Variants in VDAC1 observed in about 807,000 individuals in gnomAD.
The protein encoded by VDAC1 is voltage dependent anion channel 1.
In VDAC1, 10 loss-of-function variants were observed where a neutral mutation model predicts 34.7. The observed-to-expected ratio is 0.29, with a 90% CI of 0.18 to 0.49. The LOEUF (loss-of-function observed/expected upper bound fraction) is 0.49, where lower values mean the gene tolerates loss of function less well. Among genes scored for constraint, VDAC1 ranks in the 20% least tolerant of loss-of-function variants. The probability of loss-of-function intolerance (pLI) is 0.99; values close to 1 mark genes in which losing one functional copy is unlikely to be tolerated. For synonymous variants in VDAC1, 130 were observed against 136.0 expected, an observed-to-expected ratio of 0.96 and a Z score of 0.30; for missense variants, 230 against 347.9, an observed-to-expected ratio of 0.66 and a Z score of 2.69.
chr5:134,049,782 T>C, the VDAC1 span, among the ~76,000 whole-genome samples: 6 of 152,070 alleles, frequency 3.9e-5, no homozygotes, highest in African/African-American at 1.4e-4. Context: ...GGTTTAGCCA[T>C]GTTGGCCAGG....
At chr5:134,031,899 C>T in the VDAC1 span, among the ~76,000 whole-genome samples, 1 of 146,850 alleles carries the variant, frequency 6.8e-6, no homozygotes, top group South Asian at 2.2e-4. Context: ...TGCATTGAGC[C>T]GAGATTACAC....
intron 1 of VDAC1, among the ~76,000 whole-genome samples, chr5:134,001,734 AAGAG>A (rs1214599291): frequency 6.7e-6 from 1 of 148,932 alleles, no homozygotes; most frequent in Non-Finnish European, 1.5e-5. Context: ...AAAAAAAAAA[AAGAG>A]AGAGAGAAAC....
chr5:134,045,098 C>A, the VDAC1 span, among the ~76,000 whole-genome samples: 1 of 152,192 alleles, frequency 6.6e-6, no homozygotes, highest in African/African-American at 2.4e-5. Context: ...GGGTCAAAAC[C>A]CTCCAAAGCC....
the VDAC1 span, among the ~76,000 whole-genome samples, chr5:134,049,290 G>A: frequency 2.0e-5 from 3 of 152,156 alleles, no homozygotes; most frequent in Non-Finnish European, 4.4e-5. Flanking sequence ...GATAAGGTCT[G>A]TCTATGTTGC....
chr5:134,108,989 C>T, the VDAC1 span, among the ~76,000 whole-genome samples: 1 of 152,208 alleles, frequency 6.6e-6, no homozygotes, highest in African/African-American at 2.4e-5. Context: ...ATGCATAAAA[C>T]AGCCAGGAGG....
upstream of VDAC1, among the ~76,000 whole-genome samples, chr5:134,008,171 G>C (rs1242284254): frequency 1.1e-5 from 1 of 87,474 alleles, no homozygotes; most frequent in Admixed American, 1.3e-4. Flanking sequence ...TCCCCGCCCC[G>C]CAGGGATGGA....
chr5:134,015,895 G>A, the VDAC1 span, among the ~76,000 whole-genome samples: 7 of 152,118 alleles, frequency 4.6e-5, no homozygotes, highest in South Asian at 2.1e-4. Flanking sequence ...TGCCTGCCTC[G>A]GCCTCCCAAA....
chr5:133,975,405 G>A (rs1232194867), intron 7 of VDAC1, among the ~76,000 whole-genome samples: 1 of 151,840 alleles, frequency 6.6e-6, no homozygotes, highest in Non-Finnish European at 1.5e-5. Flanking sequence ...GTACTCATTT[G>A]GCACTCTTTT....
the VDAC1 span, among the ~76,000 whole-genome samples, chr5:134,077,385 C>T: frequency 6.6e-6 from 1 of 152,052 alleles, no homozygotes; most frequent in African/African-American, 2.4e-5. Context: ...AACTTCAGCT[C>T]AGCCTGGTCT....
chr5:134,029,730 C>G, the VDAC1 span, among the ~76,000 whole-genome samples: 1 of 152,036 alleles, frequency 6.6e-6, no homozygotes, highest in African/African-American at 2.4e-5. Flanking sequence ...AGATAGAAAA[C>G]AGATTAGTGG....
the VDAC1 span, among the ~76,000 whole-genome samples, chr5:134,080,954 G>A: frequency 6.6e-6 from 1 of 151,802 alleles, no homozygotes; most frequent in East Asian, 1.9e-4. Flanking sequence ...TCGGTTCACT[G>A]CAACCTCCAC....
chr5:133,992,996 G>A lies in VDAC1; in HGVS notation c.17C>T (p.Thr6Met), dbSNP rs146770679. The A allele has an allele frequency of 2.5e-5, 40 of 1,613,228 alleles. No individual in the cohort carries two copies. Among genetic ancestry groups the A allele is most frequent in the Non-Finnish European group, 2.8e-5 (33 of 1,179,586 alleles). ...GGCAGATTTGCCAAGATCGGCATACGTGGGTGGCACAGCCATCTTCTGCTA... is the reference window on the plus strand; with the variant it reads ...GGCAGATTTGCCAAGATCGGCATACATGGGTGGCACAGCCATCTTCTGCTA... MAVPPTYADLGKSARD... is the reference protein window; with the variant it reads MAVPPMYADLGKSARD... Residue 6 changes from threonine (T) to methionine (M), a missense_variant, in exon 2 of 9, where the codon ACG (threonine) becomes ATG (methionine). Transcript: ENST00000265333.
rs184678709 is a variant in VDAC1 at position 133,985,635 on chromosome 5, C to G, written c.324-4679G>C. On this transcript the variant is annotated intron_variant, in intron 5 of 8. Coordinates refer to ENST00000265333, the MANE Select transcript of VDAC1 (RefSeq NM_003374.3). Reference sequence around the variant, plus strand: ...CATCACTGCACTCCAGCCTGAGCGACAGAGCAAGATGTCTCAAGAAAAAAG... The same window carrying G: ...CATCACTGCACTCCAGCCTGAGCGAGAGAGCAAGATGTCTCAAGAAAAAAG... Among the ~76,000 whole-genome samples, 436 of 152,256 alleles carry G rather than the reference C, an allele frequency of 2.9e-3. 2 individuals are homozygous for G. Among genetic ancestry groups the G allele is most frequent in the Middle Eastern group, 0.01 (3 of 294 alleles).
At chr5:134,011,450 A>C in the VDAC1 span, among the ~76,000 whole-genome samples, 1 of 152,006 alleles carries the variant, frequency 6.6e-6, no homozygotes, top group African/African-American at 2.4e-5. Flanking sequence ...CCCTTTGATC[A>C]TCACCTCTCC....
At chr5:133,994,392 T>C (rs567990836) in intron 1 of VDAC1, among the ~76,000 whole-genome samples, 31 of 152,374 alleles carry the variant, frequency 2.0e-4, no homozygotes, top group African/African-American at 7.0e-4. Flanking sequence ...AGCGAGCTGT[T>C]TACTCTGTCC....
chr5:133,990,090 A>G (rs11242200), intron 5 of VDAC1, among the ~76,000 whole-genome samples: 22,822 of 152,290 alleles, frequency 0.15, 1,882 homozygotes, highest in East Asian at 0.32. Context: ...CTAAAAGGGA[A>G]TAATTCCTTC....
At chr5:134,061,196 AG>A in the VDAC1 span, among the ~76,000 whole-genome samples, 2 of 149,196 alleles carry the variant, frequency 1.3e-5, no homozygotes, top group African/African-American at 4.9e-5. Flanking sequence ...TTTTTAAAGA[AG>A]CAAACTATAC....
chr5:134,013,769 C>T, the VDAC1 span, among the ~76,000 whole-genome samples: 8 of 151,620 alleles, frequency 5.3e-5, no homozygotes, highest in Non-Finnish European at 7.4e-5. Flanking sequence ...ATGGTGAAAC[C>T]CCATCTCTAC....
At chr5:134,068,465 C>T in the VDAC1 span, among the ~76,000 whole-genome samples, 24 of 150,906 alleles carry the variant, frequency 1.6e-4, no homozygotes, top group Non-Finnish European at 3.2e-4. Flanking sequence ...TTGAACAACA[C>T]GTATTTTAGT....
Sources: allele counts gnomAD v4.1 joint callset (sites outside exome capture counted in the v4.1 genomes callset), GRCh38; gene constraint gnomAD v4.1.1; transcripts MANE v1.5; gene names NCBI Gene and HGNC (gene_info 2026-07-23, HGNC 2026-07-21).